The following CDH15 variants were observed in gnomAD, a reference collection of about 807,000 sequenced individuals.
CDH15 encodes the protein cadherin-15.
Under a neutral mutation model 69.4 loss-of-function variants are expected in CDH15, and 73 were observed. The observed-to-expected ratio is 1.05, with a 90% CI of 0.87 to 1.28. The LOEUF is 1.28. Among genes scored for constraint, CDH15 ranks in the 50% most tolerant of loss-of-function variants. The pLI is 0.00. For synonymous variants in CDH15, 624 were observed against 507.7 expected, an observed-to-expected ratio of 1.23 and a Z score of -3.08; for missense variants, 1,343 against 1,133.6, an observed-to-expected ratio of 1.18 and a Z score of -2.65.
rs776191977 is a variant in CDH15 at position 89,179,563 on chromosome 16, C to G, written c.190C>G (p.Pro64Ala). The change falls in exon 2 of 14, where the codon CCC becomes GCC. Residue 64 changes from proline to alanine, a missense_variant. By Grantham distance (27) the Pro-to-Ala change is conservative. Coordinates refer to ENST00000289746, the MANE Select transcript of CDH15 (RefSeq NM_004933.3). ...VSENHKRLPY[P>A]LVQIKSDKQQ... ...CGAGAACCACAAGCGTCTCCCCTACCCCCTGGTTCAGGTGAGCAGGTGGAG... is the reference window on the plus strand; with the variant it reads ...CGAGAACCACAAGCGTCTCCCCTACGCCCTGGTTCAGGTGAGCAGGTGGAG... The G allele has an allele frequency of 1.3e-6, 2 of 1,593,310 alleles. No homozygotes were observed. Among genetic ancestry groups the G allele is most frequent in the Non-Finnish European group, 1.7e-6 (2 of 1,167,772 alleles).
Position 89,183,597 on chromosome 16 carries a change from C to T in CDH15, c.407C>T (p.Thr136Met), listed in dbSNP as rs182029199. The change falls in exon 4 of 14, where the codon ACG (threonine) becomes ATG (methionine). Residue 136 changes from threonine to methionine, a missense_variant. Physicochemically the swap from Thr to Met is moderately conservative, Grantham distance 81 (BLOSUM62 -1). Transcript: ENST00000289746. ...GGAGGATCCACCCTGGAGGACCCCA[C>T]GGACCTGGAGATTGTAGTTGTGGAT... ...DLGGSTLEDP[T>M]DLEIVVVDQN... 1.5e-4 allele frequency: 241 copies of T among 1,614,128 alleles called. 1 individual carries two copies. Among genetic ancestry groups the T allele is most frequent in the Admixed American group, 1.3e-4 (8 of 60,026 alleles).
intron 1 of CDH15, among the ~76,000 whole-genome samples, chr16:89,176,182 C>A (rs1160880291): frequency 6.6e-6 from 1 of 152,268 alleles, no homozygotes; most frequent in African/African-American, 2.4e-5. Flanking sequence ...TCAGACTTAC[C>A]AGCCCCCAAC....
chr16:89,193,614 G>A lies in CDH15; in HGVS notation c.1992+8G>A, dbSNP rs1254639912. On this transcript the variant is annotated splice_region_variant and intron_variant, in intron 12 of 13. Coordinates refer to ENST00000289746, the MANE Select transcript of CDH15 (RefSeq NM_004933.3). ...GGCGGGGAGGAGGACCAGGTGAGGG[G>A]GCAGGTGTGGGTGGGGAGGGGTCCC... 1.9e-6 allele frequency: 3 copies of A among 1,584,374 alleles called. No individual in the cohort carries two copies. Among genetic ancestry groups the A allele is most frequent in the Admixed American group, 3.6e-5 (2 of 55,262 alleles).
chr16:89,184,314 GA>G (rs1915435817), intron 4 of CDH15, among the ~76,000 whole-genome samples: 1 of 152,176 alleles, frequency 6.6e-6, no homozygotes, highest in Admixed American at 6.5e-5. Flanking sequence ...GTCCCGGGGG[GA>G]AGTCACAGCC....
chr16:89,193,452 C>A lies in CDH15; in HGVS notation c.1856-18C>A, dbSNP rs750713003. ...GCGCCCTGTGCCTGGCCCCAGCCTG[C>A]GTCCCCTCATTCCCCAGTGCTGGTC... is the stretch of plus-strand genomic sequence containing the variant. On this transcript the variant is annotated intron_variant, in intron 11 of 13. Coordinates refer to ENST00000289746, the MANE Select transcript of CDH15 (RefSeq NM_004933.3). 2 of 1,599,156 alleles carry A rather than the reference C, an allele frequency of 1.3e-6. No homozygotes were observed. The highest frequency in any genetic ancestry group is 1.3e-5 in the African/African-American group (1 of 74,110).
intron 13 of CDH15, among the ~76,000 whole-genome samples, chr16:89,194,495 G>T (rs547082747): frequency 6.6e-6 from 1 of 152,198 alleles, no homozygotes; most frequent in Non-Finnish European, 1.5e-5. Flanking sequence ...CAGACGGGCC[G>T]TTCTGCGGAT....
chr16:89,181,876 T>C (rs1838604025), intron 3 of CDH15, among the ~76,000 whole-genome samples: 1 of 150,542 alleles, frequency 6.6e-6, no homozygotes, highest in Admixed American at 6.6e-5. Context: ...GAGGCGAAGG[T>C]TGAAGTGAGC....
At position 89,185,233 on chromosome 16, in the gene CDH15, C is replaced by A. The variant is rs768126291; in HGVS notation, c.563C>A (p.Ala188Glu). The A allele has an allele frequency of 8.7e-6, 14 of 1,605,612 alleles. No individual in the cohort carries two copies. Among genetic ancestry groups the A allele is most frequent in the Non-Finnish European group, 1.2e-5 (14 of 1,176,572 alleles). ...DADDPETDNAALRFSILQQGS... is the reference protein window; with the variant it reads ...DADDPETDNAELRFSILQQGS... ...GACGACCCCGAGACGGACAACGCAG[C>A]GCTGCGGTTCTCCATCCTGCAGCAG... The change falls in exon 5 of 14, where the codon GCG (alanine) becomes GAG (glutamate). Residue 188 changes from alanine (A) to glutamate (E), a missense_variant. Coordinates refer to ENST00000289746, the MANE Select transcript of CDH15 (RefSeq NM_004933.3).
chr16:89,187,295 C>CT, intron 5 of CDH15, 134 bp from the exon 6 acceptor site: 1 of 991,814 alleles, frequency 1.0e-6, no homozygotes, highest in Non-Finnish European at 1.5e-6. Context: ...CTCAGGGCCA[C>CT]TTGGGGTCTT....
At position 89,185,244 on chromosome 16, in the gene CDH15, T is replaced by A; in HGVS notation, c.574T>A (p.Ser192Thr). Residue 192 changes from serine (S) to threonine (T), a missense_variant, in exon 5 of 14, where the codon TCC becomes ACC. By Grantham distance (58) the Ser-to-Thr change is moderately conservative. Transcript: ENST00000289746. ...GACGGACAACGCAGCGCTGCGGTTCTCCATCCTGCAGCAGGGCAGCCCCGA... is the reference window on the plus strand; with the variant it reads ...GACGGACAACGCAGCGCTGCGGTTCACCATCCTGCAGCAGGGCAGCCCCGA... Reference protein sequence around the residue: ...PETDNAALRFSILQQGSPELF... With the variant: ...PETDNAALRFTILQQGSPELF... The A allele has an allele frequency of 6.2e-7, 1 of 1,605,656 alleles. No homozygotes were observed.
At position 89,194,892 on chromosome 16, in the gene CDH15, G is replaced by A. The variant is rs1477770334; in HGVS notation, c.2182G>A (p.Val728Met). Residue 728 changes from valine (V) to methionine (M), a missense_variant, in exon 14 of 14, where the codon GTG (valine) becomes ATG (methionine). Coordinates refer to ENST00000289746, the MANE Select transcript of CDH15 (RefSeq NM_004933.3). The part of the protein sequence containing the change: ...GLEAADSDPS[V>M]PPYDTALIYD... ...GGAGGCTGCAGATAGTGACCCCAGT[G>A]TGCCGCCTTACGACACAGCCCTCAT... 1 of 1,607,194 alleles carries A rather than the reference G, an allele frequency of 6.2e-7. No homozygotes were observed. The highest frequency in any genetic ancestry group is 8.5e-7 in the Non-Finnish European group (1 of 1,177,000).
rs529867394 is a variant in CDH15 at position 89,180,945 on chromosome 16, G to A, written c.357+590G>A. ...TCACTGTGTTAGCCAGGATGGTCTC[G>A]ATCTCCTGAGTGAGCCACCGCGCCC... is the stretch of plus-strand genomic sequence containing the variant. On this transcript the variant is annotated intron_variant, in intron 3 of 13. Transcript: ENST00000289746. Among the ~76,000 whole-genome samples the A allele has an allele frequency of 9.2e-4, 128 of 139,604 alleles. 1 individual carries two copies. The highest frequency in any genetic ancestry group is 4.0e-3 in the Middle Eastern group (1 of 248). The allele number at this position is 139,604 out of a possible 152,430, so 91.6% of individuals were successfully genotyped here.
intron 1 of CDH15, 55 bp from the exon 2 acceptor site, chr16:89,179,361 T>G: frequency 6.2e-7 from 1 of 1,606,240 alleles, no homozygotes; most frequent in Admixed American, 1.7e-5. Context: ...AGCTGCACGC[T>G]GCCGCCCAGG....
At chr16:89,192,482 C>A in intron 11 of CDH15, 38 bp downstream of exon 11, 1 of 1,557,144 alleles carries the variant, frequency 6.4e-7, no homozygotes. Context: ...ACCCTCGGAC[C>A]CTCGGACCCT....
chr16:89,187,701 G>A (rs752646418), intron 6 of CDH15, 144 bp downstream of exon 6: 7 of 1,233,344 alleles, frequency 5.7e-6, no homozygotes, highest in Non-Finnish European at 8.1e-6. Flanking sequence ...GCGGGTGGAA[G>A]CCCAAGCTGG....
At chr16:89,179,215 C>T (rs748630358) in intron 1 of CDH15, among the ~76,000 whole-genome samples, 9 of 152,198 alleles carry the variant, frequency 5.9e-5, no homozygotes, top group Non-Finnish European at 1.0e-4. Flanking sequence ...CTCAGTCCGA[C>T]GGGGGCGGGG....
chr16:89,180,753 T>C (rs1161902195), intron 3 of CDH15, among the ~76,000 whole-genome samples: 1 of 152,174 alleles, frequency 6.6e-6, no homozygotes, highest in Admixed American at 6.5e-5. Flanking sequence ...AGATGGAGTC[T>C]CGCTCTGTCG....
chr16:89,177,610 C>A (rs991272533), intron 1 of CDH15, among the ~76,000 whole-genome samples: 7 of 152,032 alleles, frequency 4.6e-5, no homozygotes, highest in Admixed American at 1.3e-4. Context: ...GAGGGCAGCC[C>A]TGTTTCCTCC....
chr16:89,179,172 C>T (rs1036387026), intron 1 of CDH15, among the ~76,000 whole-genome samples: 8 of 152,340 alleles, frequency 5.3e-5, no homozygotes, highest in African/African-American at 1.9e-4. Context: ...GCTTTGAGGG[C>T]CAGTACTTGG....
Sources: gnomAD v4.1 joint callset for allele counts (sites outside exome capture counted in the v4.1 genomes callset) on GRCh38, gnomAD v4.1.1 for gene constraint, MANE v1.5 for transcripts, NCBI Gene and HGNC (gene_info 2026-07-23, HGNC 2026-07-21) for gene names.